The following RPH3A variants were observed in gnomAD, a reference collection of about 807,000 sequenced individuals.
RPH3A encodes the protein rabphilin 3A.
RPH3A carries 48 observed loss-of-function variants against 102.2 expected under a neutral mutation model. The observed-to-expected ratio is 0.47, with a 90% confidence interval of 0.37 to 0.60. The LOEUF is 0.60. Among genes scored for constraint, RPH3A ranks in the 20% least tolerant of loss-of-function variants. The pLI is 0.00. For synonymous variants in RPH3A, 310 were observed against 324.3 expected (o/e 0.96, Z 0.47); for missense variants, 781 against 910.1 (o/e 0.86, Z 1.83).
At chr12:112,577,328 T>A (rs1375565949) in intron 1 of RPH3A, among the ~76,000 whole-genome samples, 2 of 152,182 alleles carry the variant, frequency 1.3e-5, no homozygotes, top group Non-Finnish European at 2.9e-5. Flanking sequence ...GAACTGAGGG[T>A]TCCTCCCCTT....
intron 16 of RPH3A, among the ~76,000 whole-genome samples, chr12:112,886,387 C>T (rs539816535): frequency 4.6e-5 from 7 of 152,072 alleles, no homozygotes; most frequent in Non-Finnish European, 8.8e-5. Flanking sequence ...AACTGTTCCA[C>T]CTTGGATCAT....
At chr12:112,688,421 A>G (rs767569433) in intron 1 of RPH3A, among the ~76,000 whole-genome samples, 8 of 152,198 alleles carry the variant, frequency 5.3e-5, no homozygotes, top group Non-Finnish European at 8.8e-5. Context: ...GTGGTTTGGA[A>G]TCAAAATCAT....
At chr12:112,769,302 G>A (rs1207430884) in intron 1 of RPH3A, among the ~76,000 whole-genome samples, 1 of 152,082 alleles carries the variant, frequency 6.6e-6, no homozygotes, top group African/African-American at 2.4e-5. Context: ...AGAGGCAAAC[G>A]TTTTTCTTGT....
intron 5 of RPH3A, among the ~76,000 whole-genome samples, chr12:112,855,600 A>C (rs1176677976): frequency 1.3e-5 from 2 of 152,142 alleles, no homozygotes; most frequent in African/African-American, 2.4e-5. Context: ...CAACAGGGAG[A>C]ATTAATGAGT....
chr12:112,843,666 G>T (rs1263411661), intron 4 of RPH3A, among the ~76,000 whole-genome samples: 3 of 152,194 alleles, frequency 2.0e-5, no homozygotes, highest in Admixed American at 1.3e-4. Flanking sequence ...TCCTTGGAGG[G>T]TCTTCACTGG....
chr12:112,709,753 A>G (rs1172067256), intron 1 of RPH3A, among the ~76,000 whole-genome samples: 1 of 152,100 alleles, frequency 6.6e-6, no homozygotes, highest in African/African-American at 2.4e-5. Flanking sequence ...CCAACCAAGA[A>G]ACCAGGGTAG....
chr12:112,600,502 C>A (rs2039549986), intron 1 of RPH3A, among the ~76,000 whole-genome samples: 1 of 152,166 alleles, frequency 6.6e-6, no homozygotes, highest in African/African-American at 2.4e-5. Flanking sequence ...AGTCAAATAA[C>A]TTCCTCTCTC....
chr12:112,609,373 A>G (rs1443150832), intron 1 of RPH3A, among the ~76,000 whole-genome samples: 1 of 152,142 alleles, frequency 6.6e-6, no homozygotes, highest in Admixed American at 6.5e-5. Context: ...AGATCTGACC[A>G]TTCACTCACA....
At chr12:112,753,214 T>A (rs1014540984) in intron 1 of RPH3A, among the ~76,000 whole-genome samples, 1 of 152,186 alleles carries the variant, frequency 6.6e-6, no homozygotes, top group African/African-American at 2.4e-5. Flanking sequence ...TCAGCTTTCA[T>A]GTCAACCCCT....
intron 1 of RPH3A, among the ~76,000 whole-genome samples, chr12:112,656,916 G>C (rs564511721): frequency 1.8e-4 from 27 of 152,202 alleles, no homozygotes; most frequent in Middle Eastern, 3.4e-3. Context: ...AAACATATGA[G>C]TGAATGTGTC....
At chr12:112,627,961 T>C (rs1393635497) in intron 1 of RPH3A, among the ~76,000 whole-genome samples, 1 of 121,076 alleles carries the variant, frequency 8.3e-6, no homozygotes, top group Non-Finnish European at 1.6e-5. Context: ...GAATGTCTTA[T>C]GTGGCTGGAG....
At chr12:112,840,354 T>A (rs549104539) in intron 4 of RPH3A, among the ~76,000 whole-genome samples, 8 of 152,354 alleles carry the variant, frequency 5.3e-5, no homozygotes, top group South Asian at 2.1e-4. Flanking sequence ...CTTCTAGTTA[T>A]TTTGAAATAT....
intron 1 of RPH3A, among the ~76,000 whole-genome samples, chr12:112,608,539 C>A (rs1436331444): frequency 6.6e-6 from 1 of 152,152 alleles, no homozygotes; most frequent in Non-Finnish European, 1.5e-5. Context: ...TTATTTGTTT[C>A]ATTAATTAAG....
intron 1 of RPH3A, among the ~76,000 whole-genome samples, chr12:112,738,153 C>G (rs2040682510): frequency 6.6e-6 from 1 of 151,890 alleles, no homozygotes; most frequent in South Asian, 2.1e-4. Context: ...TTGTGTATAT[C>G]TCTGTGTGTT....
chr12:112,783,338 C>T (rs368352985), intron 1 of RPH3A, among the ~76,000 whole-genome samples: 4 of 152,124 alleles, frequency 2.6e-5, no homozygotes, highest in South Asian at 4.1e-4. Flanking sequence ...CTTCCCTGGT[C>T]TCCCGTGGAG....
intron 1 of RPH3A, among the ~76,000 whole-genome samples, chr12:112,613,245 C>T (rs1338852836): frequency 2.0e-5 from 3 of 152,050 alleles, no homozygotes; most frequent in Non-Finnish European, 4.4e-5. Context: ...CTAAAGCCTG[C>T]TGAGTTTGTT....
intron 7 of RPH3A, among the ~76,000 whole-genome samples, chr12:112,867,981 C>A (rs1438528254): frequency 6.6e-6 from 1 of 152,158 alleles, no homozygotes; most frequent in Non-Finnish European, 1.5e-5. Context: ...CACACACCGT[C>A]CTAGGTGTGC....
intron 2 of RPH3A, among the ~76,000 whole-genome samples, chr12:112,810,920 T>C (rs1034710161): frequency 6.6e-6 from 1 of 151,956 alleles, no homozygotes; most frequent in Non-Finnish European, 1.5e-5. Context: ...TACATTATAC[T>C]ATGTTATTTG....
chr12:112,695,901 C>A (rs938749355), intron 1 of RPH3A, among the ~76,000 whole-genome samples: 4 of 152,006 alleles, frequency 2.6e-5, no homozygotes, highest in African/African-American at 9.7e-5. Context: ...TGGATAAGTT[C>A]TTTAGTGGTG....
Sources: allele counts gnomAD v4.1 joint callset (sites outside exome capture counted in the v4.1 genomes callset), GRCh38; gene constraint gnomAD v4.1.1; transcripts MANE v1.5; gene names NCBI Gene and HGNC (gene_info 2026-07-23, HGNC 2026-07-21).